Variants in TMEM161B observed in about 807,000 individuals in gnomAD.
TMEM161B encodes transmembrane protein 161B.
In TMEM161B, 34 loss-of-function variants were observed where a neutral mutation model predicts 61.8. The observed-to-expected ratio is 0.55, with a 90% CI of 0.42 to 0.73. TMEM161B has a LOEUF of 0.73. TMEM161B is among the 30% of genes least tolerant of loss of function. The pLI is 0.00. For missense variants in TMEM161B, 456 were observed against 558.5 expected (o/e 0.82, Z 1.85); for synonymous variants, 167 against 192.8 (o/e 0.87, Z 1.11).
In TMEM161B at chr5:88,196,004, G is replaced by A; in HGVS notation, c.*207C>T. The stretch of plus-strand genomic sequence containing the variant: ...AGAGTTAAAATTCCAATGCCACAGT[G>A]TAACAGTTAACAATCTATTTTGTAA... On this transcript the variant is annotated 3_prime_UTR_variant, in exon 12 of 12. Coordinates refer to ENST00000296595, the MANE Select transcript of TMEM161B (RefSeq NM_153354.5). 7.4e-7 allele frequency: 1 copy of A among 1,347,894 alleles called. No individual in the cohort carries two copies. The highest frequency in any genetic ancestry group is 9.5e-7 in the Non-Finnish European group (1 of 1,053,036). 83.5% of individuals were successfully genotyped at this position (1,347,894 alleles called of 1,614,324 possible).
chr5:88,191,478 A>T (rs1049343090), downstream of TMEM161B, among the ~76,000 whole-genome samples: 1 of 152,236 alleles, frequency 6.6e-6, no homozygotes, highest in Admixed American at 6.5e-5. Context: ...CAGGCACTCA[A>T]CATGTATTTA....
intron 1 of TMEM161B, among the ~76,000 whole-genome samples, chr5:88,265,545 C>T (rs1756269236): frequency 6.6e-6 from 1 of 152,208 alleles, no homozygotes; most frequent in Non-Finnish European, 1.5e-5. Flanking sequence ...CACTCACCTC[C>T]TGATGTGCAG....
intron 1 of TMEM161B, among the ~76,000 whole-genome samples, chr5:88,264,615 T>C (rs1756119362): frequency 6.6e-6 from 1 of 152,154 alleles, no homozygotes; most frequent in African/African-American, 2.4e-5. Context: ...ATCATTCTAC[T>C]CTAAAGATAC....
chr5:88,189,718 C>T (rs914863408), exon 13 of TMEM161B: 29 of 198,166 alleles, frequency 1.5e-4, no homozygotes, highest in African/African-American at 6.2e-4. Flanking sequence ...TGGGGAGTGC[C>T]TGGAAGTCCC....
At chr5:88,198,497 T>A (rs1270661687) in intron 10 of TMEM161B, 1 of 152,048 alleles carries the variant, frequency 6.6e-6, no homozygotes, top group Non-Finnish European at 1.5e-5. Flanking sequence ...AAAAAAAGAA[T>A]GAGGTTATTG....
intron 2 of TMEM161B, among the ~76,000 whole-genome samples, chr5:88,230,019 G>A (rs536794093): frequency 2.6e-5 from 4 of 151,978 alleles, no homozygotes; most frequent in Admixed American, 2.0e-4. Flanking sequence ...CAGTGAGACC[G>A]TATCTCTACA....
chr5:88,193,702 C>A (rs1179973576), downstream of TMEM161B, among the ~76,000 whole-genome samples: 4 of 152,078 alleles, frequency 2.6e-5, no homozygotes, highest in African/African-American at 9.7e-5. Flanking sequence ...ATCTTTGAAA[C>A]TTAAAATAAT....
At chr5:88,227,304 C>CTAGTACCTG (rs1373168635) in intron 3 of TMEM161B, among the ~76,000 whole-genome samples, 3 of 152,170 alleles carry the variant, frequency 2.0e-5, no homozygotes, top group African/African-American at 7.2e-5. Flanking sequence ...GTTACCAGTA[C>CTAGTACCTG]GTAACCTTAC....
chr5:88,234,200 T>C (rs1751478411), intron 2 of TMEM161B, among the ~76,000 whole-genome samples: 1 of 152,138 alleles, frequency 6.6e-6, no homozygotes, highest in African/African-American at 2.4e-5. Context: ...GGTGATAAAA[T>C]ACATTTTACA....
chr5:88,257,320 A>G (rs1755114093), intron 1 of TMEM161B, among the ~76,000 whole-genome samples: 1 of 152,116 alleles, frequency 6.6e-6, no homozygotes, highest in Non-Finnish European at 1.5e-5. Context: ...CTTTTAACAA[A>G]CTAAAAATCA....
intron 5 of TMEM161B, 120 bp from the exon 6 acceptor site, chr5:88,207,300 A>C: frequency 1.0e-6 from 1 of 971,820 alleles, no homozygotes; most frequent in Non-Finnish European, 1.5e-6. Context: ...AGTGGAGTTT[A>C]AAACACTTTT....
At chr5:88,248,986 G>C (rs189376516) in intron 1 of TMEM161B, among the ~76,000 whole-genome samples, 27 of 152,130 alleles carry the variant, frequency 1.8e-4, no homozygotes, top group Non-Finnish European at 3.4e-4. Context: ...TGACACATTA[G>C]GTATTTCCAA....
intron 2 of TMEM161B, among the ~76,000 whole-genome samples, chr5:88,236,150 T>C (rs1751813631): frequency 6.6e-6 from 1 of 152,156 alleles, no homozygotes; most frequent in Non-Finnish European, 1.5e-5. Flanking sequence ...GAAGGTGTTA[T>C]AACACCCTCT....
intron 1 of TMEM161B, among the ~76,000 whole-genome samples, chr5:88,258,755 T>C (rs2112764991): frequency 6.6e-6 from 1 of 152,252 alleles, no homozygotes; most frequent in East Asian, 1.9e-4. Flanking sequence ...AACTATGGCA[T>C]TGCTTTTTCT....
intron 5 of TMEM161B, among the ~76,000 whole-genome samples, chr5:88,207,954 T>C (rs1745860922): frequency 6.6e-6 from 1 of 152,226 alleles, no homozygotes; most frequent in South Asian, 2.1e-4. Context: ...ACTTGCCATA[T>C]GCCGGGCATT....
intron 2 of TMEM161B, among the ~76,000 whole-genome samples, chr5:88,238,334 A>C (rs569704384): frequency 3.3e-5 from 5 of 152,060 alleles, no homozygotes; most frequent in Admixed American, 2.0e-4. Flanking sequence ...CCAAAAGAGA[A>C]GCCATAACAA....
chr5:88,203,100 T>A, intron 8 of TMEM161B, 25 bp from the exon 9 acceptor site: 1 of 1,437,144 alleles, frequency 7.0e-7, no homozygotes, highest in Non-Finnish European at 9.8e-7. Context: ...GAAATAAATA[T>A]AAAAATTCAG....
At chr5:88,220,852 G>C in intron 4 of TMEM161B, 133 bp from the exon 5 acceptor site, 1 of 1,226,176 alleles carries the variant, frequency 8.2e-7, no homozygotes, top group Non-Finnish European at 1.1e-6. Flanking sequence ...TGCAATGTAA[G>C]ATTTACAAAT....
chr5:88,204,942 A>T (rs187493281), intron 8 of TMEM161B, among the ~76,000 whole-genome samples: 345 of 152,294 alleles, frequency 2.3e-3, no homozygotes, highest in African/African-American at 7.7e-3. Flanking sequence ...ATCATTAAAA[A>T]TAGGTTTTAA....
Sources: allele counts gnomAD v4.1 joint callset (sites outside exome capture counted in the v4.1 genomes callset), GRCh38; gene constraint gnomAD v4.1.1; transcripts MANE v1.5; gene names NCBI Gene and HGNC (gene_info 2026-07-23, HGNC 2026-07-21).